CRPPA: variants seen among roughly 807,000 people sequenced by gnomAD.
CRPPA encodes the protein D-ribitol-5-phosphate cytidylyltransferase.
In CRPPA, 43 loss-of-function variants were observed where a neutral mutation model predicts 52.0. That is an observed-to-expected ratio of 0.83 (90% CI 0.65 to 1.07). The LOEUF (loss-of-function observed/expected upper bound fraction) is 1.07. Ranked by LOEUF, CRPPA falls within the 50% of genes least tolerant of loss-of-function variation. The probability of loss-of-function intolerance (pLI) is 0.00; values close to 1 mark genes in which losing one functional copy is unlikely to be tolerated. For missense variants in CRPPA, 629 were observed against 551.7 expected, an observed-to-expected ratio of 1.14 and a Z score of -1.40; for synonymous variants, 250 against 203.5, an observed-to-expected ratio of 1.23 and a Z score of -1.94.
chr7:16,228,590 G>A (rs1782711099), intron 8 of CRPPA, among the ~76,000 whole-genome samples: 1 of 151,810 alleles, frequency 6.6e-6, no homozygotes, highest in Admixed American at 6.6e-5. Flanking sequence ...TAATTTCCAT[G>A]TATTTGTGAA....
intron 1 of CRPPA, among the ~76,000 whole-genome samples, chr7:16,418,767 C>T (rs79158118): frequency 0.031 from 4,677 of 152,178 alleles, 106 homozygotes; most frequent in East Asian, 0.13. Flanking sequence ...CTTTAACATG[C>T]GGGGTTATGG....
chr7:16,165,116 A>G (rs1257673871), intron 9 of CRPPA, among the ~76,000 whole-genome samples: 2 of 152,134 alleles, frequency 1.3e-5, no homozygotes, highest in African/African-American at 4.8e-5. Context: ...CCTTCCCCCT[A>G]AAAGTCACCT....
At chr7:16,133,923 C>T (rs993879810) in intron 9 of CRPPA, among the ~76,000 whole-genome samples, 1 of 124,040 alleles carries the variant, frequency 8.1e-6, no homozygotes, top group Non-Finnish European at 1.8e-5. Context: ...TTCTTAACAT[C>T]ATCCTTATGA....
At chr7:16,160,068 G>A (rs561950746) in intron 9 of CRPPA, among the ~76,000 whole-genome samples, 19 of 151,920 alleles carry the variant, frequency 1.3e-4, no homozygotes, top group African/African-American at 4.1e-4. Flanking sequence ...GGATATTAGC[G>A]CTTTGTCAGA....
At chr7:16,176,615 G>A (rs993304389) in intron 9 of CRPPA, among the ~76,000 whole-genome samples, 3 of 152,044 alleles carry the variant, frequency 2.0e-5, no homozygotes, top group African/African-American at 4.8e-5. Flanking sequence ...CAGTTTAGGA[G>A]TTTTTCTTAA....
chr7:16,144,562 A>G (rs1369795782), intron 9 of CRPPA, among the ~76,000 whole-genome samples: 1 of 152,208 alleles, frequency 6.6e-6, no homozygotes, highest in African/African-American at 2.4e-5. Context: ...CGTAGGTACA[A>G]TGGAATGTAG....
chr7:16,177,744 T>C (rs1583410485), intron 9 of CRPPA, among the ~76,000 whole-genome samples: 1 of 152,274 alleles, frequency 6.6e-6, no homozygotes, highest in East Asian at 1.9e-4. Flanking sequence ...TTCTTCACAA[T>C]TCCAGTTTTC....
At chr7:16,405,978 A>G (rs945262529) in intron 2 of CRPPA, 83 bp downstream of exon 2, 2 of 1,264,394 alleles carry the variant, frequency 1.6e-6, no homozygotes, top group Non-Finnish European at 2.2e-6. Flanking sequence ...TTTGACATTT[A>G]AACAGAATTG....
chr7:16,360,810 C>T (rs1020628295), intron 3 of CRPPA, among the ~76,000 whole-genome samples: 2 of 152,106 alleles, frequency 1.3e-5, no homozygotes, highest in Non-Finnish European at 2.9e-5. Flanking sequence ...ATCTTCATGA[C>T]TAACCTTGGC....
At chr7:16,286,034 A>T (rs1784422606) in intron 5 of CRPPA, among the ~76,000 whole-genome samples, 6 of 21,354 alleles carry the variant, frequency 2.8e-4, no homozygotes, top group Non-Finnish European at 3.5e-4. Context: ...AAAAAAAAAA[A>T]AAAAATATAA....
intron 1 of CRPPA, among the ~76,000 whole-genome samples, chr7:16,407,355 G>C (rs551832370): frequency 1.3e-5 from 2 of 152,252 alleles, no homozygotes; most frequent in African/African-American, 2.4e-5. Context: ...TGCTGCATTA[G>C]AGTCTGGCAG....
chr7:16,396,967 T>C (rs1787595113), intron 2 of CRPPA, among the ~76,000 whole-genome samples: 1 of 152,198 alleles, frequency 6.6e-6, no homozygotes. Context: ...AAGACACGTG[T>C]GACACTGGTG....
chr7:16,146,893 C>T (rs575449113), intron 9 of CRPPA, among the ~76,000 whole-genome samples: 3 of 152,256 alleles, frequency 2.0e-5, no homozygotes, highest in South Asian at 2.1e-4. Context: ...AGACAAATTG[C>T]AGTAGTAAGT....
chr7:16,275,302 G>A (rs1452946704), intron 6 of CRPPA, among the ~76,000 whole-genome samples: 1 of 152,156 alleles, frequency 6.6e-6, no homozygotes, highest in African/African-American at 2.4e-5. Flanking sequence ...AAACAAGGAA[G>A]CCACATGAAC....
chr7:16,399,283 C>A (rs566106370), intron 2 of CRPPA, among the ~76,000 whole-genome samples: 1 of 152,044 alleles, frequency 6.6e-6, no homozygotes, highest in Non-Finnish European at 1.5e-5. Flanking sequence ...GATACACATA[C>A]GATTGACGTG....
intron 9 of CRPPA, among the ~76,000 whole-genome samples, chr7:16,199,854 CTTTTTTTTTT>C (rs68003825): frequency 5.8e-5 from 7 of 120,114 alleles, no homozygotes; most frequent in Admixed American, 3.4e-4. Flanking sequence ...TAAGCTTTTT[CTTTTTTTTTT>C]TTTTTTTTTT....
intron 3 of CRPPA, among the ~76,000 whole-genome samples, chr7:16,361,275 G>A (rs1786435704): frequency 6.6e-6 from 1 of 152,072 alleles, no homozygotes; most frequent in South Asian, 2.1e-4. Flanking sequence ...AATAAAAATG[G>A]TACAGCCACT....
chr7:16,097,619 T>C (rs776283329), intron 9 of CRPPA, among the ~76,000 whole-genome samples: 1 of 152,200 alleles, frequency 6.6e-6, no homozygotes, highest in Non-Finnish European at 1.5e-5. Flanking sequence ...CCAGTCTTTG[T>C]GTGCGTTTGT....
intron 3 of CRPPA, among the ~76,000 whole-genome samples, chr7:16,312,727 T>C (rs1330546151): frequency 6.6e-6 from 1 of 151,984 alleles, no homozygotes; most frequent in East Asian, 1.9e-4. Context: ...AGGTGTTCTG[T>C]GGATATTTTT....
Sources: allele counts gnomAD v4.1 joint callset (sites outside exome capture counted in the v4.1 genomes callset), GRCh38; gene constraint gnomAD v4.1.1; transcripts MANE v1.5; gene names NCBI Gene and HGNC (gene_info 2026-07-23, HGNC 2026-07-21).